The following CDH2 variants were observed in gnomAD, a reference collection of about 807,000 sequenced individuals.
CDH2 encodes cadherin 2.
In CDH2, 17 loss-of-function variants were observed where a neutral mutation model predicts 92.0. The ratio of observed to expected loss-of-function variants is 0.18; its 90% CI spans 0.13 to 0.28. The LOEUF (loss-of-function observed/expected upper bound fraction) is 0.28, where lower values mean the gene tolerates loss of function less well. Ranked by LOEUF, CDH2 falls within the 10% of genes least tolerant of loss-of-function variation. The pLI is 1.00. For missense variants in CDH2, 862 were observed against 1,133.1 expected (o/e 0.76, Z 3.44); for synonymous variants, 419 against 415.9 (o/e 1.01, Z -0.09).
At chr18:28,115,328 A>T (rs574667005) in intron 2 of CDH2, among the ~76,000 whole-genome samples, 1 of 152,136 alleles carries the variant, frequency 6.6e-6, no homozygotes, top group Non-Finnish European at 1.5e-5. Context: ...ATACTGTTTT[A>T]GTTACTCCCC....
intron 2 of CDH2, among the ~76,000 whole-genome samples, chr18:28,020,459 A>G (rs1228196456): frequency 6.6e-6 from 1 of 151,988 alleles, no homozygotes; most frequent in Non-Finnish European, 1.5e-5. Flanking sequence ...TGATGATGAA[A>G]ATAAGGCTAA....
chr18:27,973,206 C>T (rs1353330512), intron 14 of CDH2, among the ~76,000 whole-genome samples: 1 of 148,074 alleles, frequency 6.8e-6, no homozygotes, highest in Non-Finnish European at 1.5e-5. Context: ...AATATTGAAA[C>T]TAATTTCCAC....
intron 15 of CDH2, among the ~76,000 whole-genome samples, chr18:27,962,176 G>T (rs902364152): frequency 6.6e-6 from 1 of 152,108 alleles, no homozygotes; most frequent in Non-Finnish European, 1.5e-5. Flanking sequence ...ACTAAGAGCT[G>T]GCAAAGTCAG....
intron 2 of CDH2, among the ~76,000 whole-genome samples, chr18:28,097,682 A>AT (rs1248308013): frequency 2.6e-5 from 4 of 152,218 alleles, no homozygotes; most frequent in Admixed American, 6.5e-5. Context: ...ATACTATGCC[A>AT]TTTTTTATCA....
At chr18:28,082,259 C>T (rs969552487) in intron 2 of CDH2, among the ~76,000 whole-genome samples, 1 of 151,622 alleles carries the variant, frequency 6.6e-6, no homozygotes, top group Non-Finnish European at 1.5e-5. Flanking sequence ...AAAAATTAAA[C>T]GATTAGCTGA....
At chr18:27,971,986 G>C (rs1394515270) in intron 14 of CDH2, among the ~76,000 whole-genome samples, 1 of 152,052 alleles carries the variant, frequency 6.6e-6, no homozygotes, top group Non-Finnish European at 1.5e-5. Context: ...CCCACATTAG[G>C]TCTGGTTCCC....
intron 1 of CDH2, among the ~76,000 whole-genome samples, chr18:28,152,823 G>T (rs906431432): frequency 2.6e-5 from 4 of 152,128 alleles, no homozygotes; most frequent in South Asian, 2.1e-4. Context: ...AGACAAGCTA[G>T]GACACAGACC....
chr18:27,996,402 T>G (rs1179248119), intron 7 of CDH2, among the ~76,000 whole-genome samples: 2 of 152,122 alleles, frequency 1.3e-5, no homozygotes, highest in Admixed American at 1.3e-4. Context: ...AAGACAGGCC[T>G]CATAACCAAG....
intron 9 of CDH2, among the ~76,000 whole-genome samples, chr18:27,992,218 G>C (rs1318164451): frequency 6.6e-6 from 1 of 152,042 alleles, no homozygotes; most frequent in Non-Finnish European, 1.5e-5. Context: ...CAGCTGTGAG[G>C]CATCATTCTT....
At chr18:28,025,369 T>G (rs2013522864) in intron 2 of CDH2, among the ~76,000 whole-genome samples, 2 of 151,864 alleles carry the variant, frequency 1.3e-5, no homozygotes. Context: ...ATACAAAAAA[T>G]TAGCCAGGCG....
intron 7 of CDH2, among the ~76,000 whole-genome samples, chr18:27,999,487 G>C (rs184739829): frequency 8.5e-5 from 13 of 152,090 alleles, no homozygotes; most frequent in Admixed American, 8.5e-4. Flanking sequence ...AAGATTATTA[G>C]GTTTGGAAAA....
intron 2 of CDH2, among the ~76,000 whole-genome samples, chr18:28,114,334 T>C (rs2015460483): frequency 1.3e-5 from 2 of 152,064 alleles, no homozygotes; most frequent in Non-Finnish European, 2.9e-5. Flanking sequence ...CCATTATTGG[T>C]CAAAGAAAAA....
Position 28,085,319 on chromosome 18 carries a change from T to A in CDH2, c.172+62354A>T, listed in dbSNP as rs564857454. Among the ~76,000 whole-genome samples, 3 of 152,084 alleles carry A rather than the reference T, an allele frequency of 2.0e-5. No individual in the cohort carries two copies. The East Asian group carries it at 5.8e-4, about 30-fold the overall frequency. Reference sequence around the variant, plus strand: ...CTTCCACAAACACACACTCTCTCTATCTCCTCCAACTCAAATATATTGAGA... The same window carrying A: ...CTTCCACAAACACACACTCTCTCTAACTCCTCCAACTCAAATATATTGAGA... On this transcript the variant is annotated intron_variant, in intron 2 of 15. Coordinates refer to ENST00000269141, the MANE Select transcript of CDH2 (RefSeq NM_001792.5).
intron 2 of CDH2, among the ~76,000 whole-genome samples, chr18:28,078,278 G>C (rs642680): frequency 6.6e-6 from 1 of 151,986 alleles, no homozygotes; most frequent in East Asian, 1.9e-4. Context: ...TTGACCTCCT[G>C]GAACTGTGCA....
At chr18:28,072,145 C>T (rs1412851897) in intron 2 of CDH2, among the ~76,000 whole-genome samples, 1 of 152,082 alleles carries the variant, frequency 6.6e-6, no homozygotes, top group Admixed American at 6.6e-5. Context: ...TCATTCTCTC[C>T]TTCTCCTCTC....
intron 2 of CDH2, among the ~76,000 whole-genome samples, chr18:28,124,667 A>G (rs576047715): frequency 2.0e-5 from 3 of 152,308 alleles, no homozygotes; most frequent in South Asian, 4.1e-4. Flanking sequence ...GTATTCAACC[A>G]CTGCATTAAT....
chr18:28,010,819 T>TG (rs1249702330), intron 4 of CDH2, among the ~76,000 whole-genome samples: 3 of 151,884 alleles, frequency 2.0e-5, no homozygotes, highest in African/African-American at 7.3e-5. Context: ...CCAGCTATTT[T>TG]TTTCTGTATT....
Position 27,985,765 on chromosome 18 carries a change from A to G in CDH2, c.1742-4T>C. 6.6e-7 allele frequency: 1 copy of G among 1,523,598 alleles called. No homozygotes were observed. Among genetic ancestry groups the G allele is most frequent in the Non-Finnish European group, 9.1e-7 (1 of 1,103,586 alleles). 94.4% of individuals were successfully genotyped at this position (1,523,598 alleles called of 1,614,324 possible). A position where few individuals can be genotyped will look rare whatever the true frequency, so the allele number is the denominator to read the frequency against. On this transcript the variant is annotated splice_region_variant and splice_polypyrimidine_tract_variant and intron_variant, in intron 11 of 15. Coordinates refer to ENST00000269141, the MANE Select transcript of CDH2 (RefSeq NM_001792.5). ...GTTCCACTCATAGGAGGAATTCCTG[A>G]AAAGAGAGAAAAATCACAAATGATG...
chr18:27,951,120 A>T lies in CDH2; in HGVS notation c.*1033T>A, dbSNP rs1340682811. On this transcript the variant is annotated 3_prime_UTR_variant, in exon 16 of 16. Coordinates refer to ENST00000269141, the MANE Select transcript of CDH2 (RefSeq NM_001792.5). ...TTTTTTTTTAAAAAAACACACACTTAGTAGTGCCACCAGTGTCAGGCCACC... is the reference window on the plus strand; with the variant it reads ...TTTTTTTTTAAAAAAACACACACTTTGTAGTGCCACCAGTGTCAGGCCACC... The T allele has an allele frequency of 1.3e-5, 2 of 148,738 alleles. No individual in the cohort carries two copies. Among genetic ancestry groups the T allele is most frequent in the African/African-American group, 5.0e-5 (2 of 40,304 alleles). The allele number at this position is 148,738 out of a possible 1,614,324, so 9.2% of individuals were successfully genotyped here.
Sources: allele counts gnomAD v4.1 joint callset (sites outside exome capture counted in the v4.1 genomes callset), GRCh38; gene constraint gnomAD v4.1.1; transcripts MANE v1.5; gene names NCBI Gene and HGNC (gene_info 2026-07-23, HGNC 2026-07-21).